CUEDC2: variants seen among roughly 807,000 people sequenced by gnomAD.
CUEDC2 encodes CUE domain-containing protein 2.
CUEDC2 carries 10 observed loss-of-function variants against 36.0 expected under a neutral mutation model. The observed-to-expected ratio is 0.28, with a 90% CI of 0.17 to 0.47. CUEDC2 has a LOEUF of 0.47. CUEDC2 is among the 20% of genes least tolerant of loss of function. The pLI is 0.99. For synonymous variants in CUEDC2, 133 were observed against 141.8 expected, an observed-to-expected ratio of 0.94 and a Z score of 0.44; for missense variants, 269 against 368.1, an observed-to-expected ratio of 0.73 and a Z score of 2.20.
intron 1 of CUEDC2, 31 bp downstream of exon 1, chr10:102,432,495 G>A (rs2061620207): frequency 6.6e-6 from 1 of 152,312 alleles, no homozygotes; most frequent in Non-Finnish European, 1.5e-5. Context: ...GACTCTCCTA[G>A]CCCTGGGCCG....
chr10:102,431,350 G>A (rs2135474142), intron 1 of CUEDC2, among the ~76,000 whole-genome samples: 3 of 152,288 alleles, frequency 2.0e-5, no homozygotes, highest in Middle Eastern at 6.8e-3. Flanking sequence ...CACCATGTTG[G>A]CCAGACTGGT....
At position 102,424,239 on chromosome 10, in the gene CUEDC2, C is replaced by A. The variant is rs1347776997; in HGVS notation, c.411+25G>T. ...CCCCTTTCCAGCCCCCTGGGTCCCT[C>A]ATCGGTACCCTCCTCTACCAGTACC... On this transcript the variant is annotated intron_variant, in intron 5 of 8. Coordinates refer to ENST00000369937, the MANE Select transcript of CUEDC2 (RefSeq NM_024040.3). This position sits in a 1 kb window ranked among gnomAD's most constrained non-coding sequence, Gnocchi z 4.2. 6.2e-7 allele frequency: 1 copy of A among 1,611,838 alleles called. No homozygotes were observed. The highest frequency in any genetic ancestry group is 1.7e-5 in the Admixed American group (1 of 59,784).
At chr10:102,425,428 C>A (rs1354310111) in intron 1 of CUEDC2, among the ~76,000 whole-genome samples, 4 of 142,070 alleles carry the variant, frequency 2.8e-5, no homozygotes, top group Admixed American at 2.1e-4. Flanking sequence ...GGCGCCCCCC[C>A]ACCTCTCCCC....
At chr10:102,428,690 C>A (rs1223381601) in intron 1 of CUEDC2, among the ~76,000 whole-genome samples, 1 of 151,916 alleles carries the variant, frequency 6.6e-6, no homozygotes, top group Non-Finnish European at 1.5e-5. Context: ...TTAAGACCAG[C>A]CTCGGCAACA....
Position 102,423,525 on chromosome 10 carries a change from G to C in CUEDC2, c.765C>G (p.Thr255=). 5.0e-6 allele frequency: 8 copies of C among 1,614,198 alleles called. No homozygotes were observed. Among genetic ancestry groups the C allele is most frequent in the Non-Finnish European group, 6.8e-6 (8 of 1,180,024 alleles). The change falls in exon 9 of 9, where the codon ACC becomes ACG. Residue 255 remains threonine (T), a synonymous_variant. Transcript: ENST00000369937. The surrounding 1 kb of genome is among the most constrained non-coding windows in gnomAD (Gnocchi z 5.6). ...IRYIDNQVVS[T]KGERFKDVRN... is the part of the protein sequence containing the mutation. ...GCACATCTTTGAATCGCTCCCCTTT[G>C]GTGCTCACTACCTGGTTGTCGATGT...
intron 1 of CUEDC2, among the ~76,000 whole-genome samples, chr10:102,429,625 T>C: frequency 6.8e-6 from 1 of 146,560 alleles, no homozygotes; most frequent in Non-Finnish European, 1.5e-5. Flanking sequence ...AGAGCCCTCA[T>C]GGGCCCTGAG....
chr10:102,425,853 C>T (rs2061594333), intron 1 of CUEDC2, among the ~76,000 whole-genome samples: 1 of 152,066 alleles, frequency 6.6e-6, no homozygotes, highest in East Asian at 1.9e-4. Context: ...CTCCCCAGTC[C>T]CTCCTCCCTA....
Position 102,424,369 on chromosome 10 carries a change from A to C in CUEDC2, c.306T>G (p.Gly102=), listed in dbSNP as rs371683002. The change falls in exon 5 of 9, where the codon GGT becomes GGG. Residue 102 remains glycine (G), a synonymous_variant. Coordinates refer to ENST00000369937, the MANE Select transcript of CUEDC2 (RefSeq NM_024040.3). This position sits in a 1 kb window ranked among gnomAD's most constrained non-coding sequence, Gnocchi z 4.2. The part of the protein sequence containing the change: ...NKENLQPQSS[G]VQGQVPISPE... ...GGGAGATGGGCACCTGACCTTGGAC[A>C]CCAGAGCTCTGCGGTTGCAGGTTCT... is the stretch of plus-strand genomic sequence containing the variant. 1.9e-6 allele frequency: 3 copies of C among 1,614,018 alleles called. No homozygotes were observed. The African/African-American group carries it at 4.0e-5, about 22-fold the overall frequency.
Position 102,424,924 on chromosome 10 carries a change from A to G in CUEDC2, c.75-132T>C, listed in dbSNP as rs1332427802. The G allele has an allele frequency of 9.5e-7, 1 of 1,057,470 alleles. No homozygotes were observed. The allele number at this position is 1,057,470 out of a possible 1,614,324, so 65.5% of individuals were successfully genotyped here. A position where few individuals can be genotyped will look rare whatever the true frequency, so the allele number is the denominator to read the frequency against. On this transcript the variant is annotated intron_variant, in intron 2 of 8. Coordinates refer to ENST00000369937, the MANE Select transcript of CUEDC2 (RefSeq NM_024040.3). The surrounding 1 kb of genome is among the most constrained non-coding windows in gnomAD (Gnocchi z 4.2). ...ACCTTTATCTTTAAGGCCAGAGAGT[A>G]TAACCCCCTCCCTCAGAGCTATGGT...
chr10:102,432,153 G>T (rs770895338), intron 1 of CUEDC2, among the ~76,000 whole-genome samples: 2 of 152,188 alleles, frequency 1.3e-5, no homozygotes, highest in Non-Finnish European at 2.9e-5. Context: ...CAAGGGCATT[G>T]AGGGGAACAA....
At position 102,423,371 on chromosome 10, in the gene CUEDC2, C is replaced by T. The variant is rs1046356773; in HGVS notation, c.*55G>A. On this transcript the variant is annotated 3_prime_UTR_variant, in exon 9 of 9. Coordinates refer to ENST00000369937, the MANE Select transcript of CUEDC2 (RefSeq NM_024040.3). The surrounding 1 kb of genome is among the most constrained non-coding windows in gnomAD (Gnocchi z 5.6). Reference sequence around the variant, plus strand: ...GCCCCTGTGTAGGGGTATAGGGCTCCTGCATCCCTCTGGGATCTGAGCCTA... The same window carrying T: ...GCCCCTGTGTAGGGGTATAGGGCTCTTGCATCCCTCTGGGATCTGAGCCTA... 7 of 1,610,296 alleles carry T rather than the reference C, an allele frequency of 4.3e-6. No individual in the cohort carries two copies. The highest frequency in any genetic ancestry group is 1.8e-4 in the Middle Eastern group (1 of 5,516).
rs773815230 is a variant in CUEDC2 at position 102,424,217 on chromosome 10, C to A, written c.412-39G>T. ...CGTTAACAAGAGGCAATACTCCCCC[C>A]TTTCCAGCCCCCTGGGTCCCTCATC... On this transcript the variant is annotated intron_variant, in intron 5 of 8. Coordinates refer to ENST00000369937, the MANE Select transcript of CUEDC2 (RefSeq NM_024040.3). The surrounding 1 kb of genome is among the most constrained non-coding windows in gnomAD (Gnocchi z 4.2). 1 of 1,610,556 alleles carries A rather than the reference C, an allele frequency of 6.2e-7. No homozygotes were observed. The highest frequency in any genetic ancestry group is 8.5e-7 in the Non-Finnish European group (1 of 1,177,886).
In CUEDC2 at chr10:102,424,376, C is replaced by G; in HGVS notation, c.299G>C (p.Ser100Thr). Residue 100 changes from serine (S) to threonine (T), a missense_variant, in exon 5 of 9, where the codon AGC becomes ACC. By Grantham distance (58) the Ser-to-Thr change is moderately conservative (BLOSUM62 1). Coordinates refer to ENST00000369937, the MANE Select transcript of CUEDC2 (RefSeq NM_024040.3). This position sits in a 1 kb window ranked among gnomAD's most constrained non-coding sequence, Gnocchi z 4.2. Reference sequence around the variant, plus strand: ...GGGCACCTGACCTTGGACACCAGAGCTCTGCGGTTGCAGGTTCTCTTAAAG... The same window carrying G: ...GGGCACCTGACCTTGGACACCAGAGGTCTGCGGTTGCAGGTTCTCTTAAAG... ...ARNKENLQPQ[S>T]SGVQGQVPIS... 5 of 1,614,126 alleles carry G rather than the reference C, an allele frequency of 3.1e-6. No individual in the cohort carries two copies. Among genetic ancestry groups the G allele is most frequent in the Middle Eastern group, 1.6e-4 (1 of 6,062 alleles).
chr10:102,429,389 G>C (rs559267272), intron 1 of CUEDC2, among the ~76,000 whole-genome samples: 1 of 151,922 alleles, frequency 6.6e-6, no homozygotes, highest in East Asian at 1.9e-4. Context: ...GCTTGACTGC[G>C]GTAGTCAGAT....
intron 1 of CUEDC2, among the ~76,000 whole-genome samples, chr10:102,427,219 T>C (rs1462499983): frequency 6.6e-6 from 1 of 152,122 alleles, no homozygotes; most frequent in Non-Finnish European, 1.5e-5. Flanking sequence ...TCTGCTCCCC[T>C]CTAAATGTGG....
rs774261229 is a variant in CUEDC2 at position 102,424,091 on chromosome 10, C to A, written c.499G>T (p.Val167Leu). 4.3e-6 allele frequency: 7 copies of A among 1,614,024 alleles called. No individual in the cohort carries two copies. The East Asian group carries it at 6.7e-5, about 15-fold the overall frequency. ...PTCSVEQAQW[V>L]LAKARGDLEE... Reference sequence around the variant, plus strand: ...AAGTCCCCCCGAGCTTTGGCCAGCACCCACTGGGCCTGCTCCACCGAACAG... The same window carrying A: ...AAGTCCCCCCGAGCTTTGGCCAGCAACCACTGGGCCTGCTCCACCGAACAG... Residue 167 changes from valine (V) to leucine (L), a missense_variant, in exon 6 of 9, where the codon GTG becomes TTG. Physicochemically the swap from Val to Leu is conservative, Grantham distance 32. Coordinates refer to ENST00000369937, the MANE Select transcript of CUEDC2 (RefSeq NM_024040.3). This position sits in a 1 kb window ranked among gnomAD's most constrained non-coding sequence, Gnocchi z 4.2.
intron 2 of CUEDC2, 86 bp downstream of exon 2, chr10:102,425,029 G>A (rs983817776): frequency 1.7e-6 from 2 of 1,207,864 alleles, no homozygotes; most frequent in South Asian, 1.2e-5. Context: ...CCCTCCTGCT[G>A]TCTTTCCATC....
Position 102,424,260 on chromosome 10 carries a change from G to C in CUEDC2, c.411+4C>G, listed in dbSNP as rs755971002. 2.5e-5 allele frequency: 41 copies of C among 1,613,346 alleles called. No homozygotes were observed. Among genetic ancestry groups the C allele is most frequent in the Non-Finnish European group, 3.3e-5 (39 of 1,179,640 alleles). ...CCCTCATCGGTACCCTCCTCTACCA[G>C]TACCTCATCTTGGGTGTCTGCAGCA... On this transcript the variant is annotated splice_donor_region_variant and intron_variant, in intron 5 of 8. Transcript: ENST00000369937. The surrounding 1 kb of genome is among the most constrained non-coding windows in gnomAD (Gnocchi z 4.2).
chr10:102,431,484 T>C (rs978418069), intron 1 of CUEDC2, among the ~76,000 whole-genome samples: 1 of 152,110 alleles, frequency 6.6e-6, no homozygotes, highest in South Asian at 2.1e-4. Context: ...GAAGGCACTA[T>C]GAGGTTAAGT....
Sources: allele counts gnomAD v4.1 joint callset (sites outside exome capture counted in the v4.1 genomes callset), GRCh38; gene constraint gnomAD v4.1.1; non-coding constraint Gnocchi (gnomAD v3.1); transcripts MANE v1.5; gene names NCBI Gene and HGNC (gene_info 2026-07-23, HGNC 2026-07-21).